The following ACBD3 variants were observed in gnomAD, a reference collection of about 807,000 sequenced individuals.
The protein encoded by ACBD3 is Golgi resident protein GCP60.
Under a neutral mutation model 66.9 loss-of-function variants are expected in ACBD3, and 30 were observed. That is an observed-to-expected ratio of 0.45 (90% CI 0.34 to 0.61). ACBD3 has a LOEUF of 0.61. Among genes scored for constraint, ACBD3 ranks in the 20% least tolerant of loss-of-function variants. The pLI is 0.02. For synonymous variants in ACBD3, 278 were observed against 259.8 expected (o/e 1.07, Z -0.68); for missense variants, 544 against 664.5 (o/e 0.82, Z 1.99).
chr1:226,169,981 A>C (rs1250987041), intron 1 of ACBD3, among the ~76,000 whole-genome samples: 3 of 139,348 alleles, frequency 2.2e-5, no homozygotes, highest in Non-Finnish European at 4.6e-5. Context: ...AAATCATACC[A>C]CTGCACTCCA....
intron 7 of ACBD3, among the ~76,000 whole-genome samples, chr1:226,149,529 C>CTT (rs1170130229): frequency 0.088 from 2,589 of 29,520 alleles, 912 homozygotes; most frequent in Middle Eastern, 0.14. Context: ...GCCCAGCCAT[C>CTT]TTTTTTTTTT....
intron 4 of ACBD3, among the ~76,000 whole-genome samples, chr1:226,160,374 A>G (rs951530965): frequency 2.0e-5 from 3 of 152,096 alleles, no homozygotes; most frequent in Non-Finnish European, 4.4e-5. Flanking sequence ...GATTACAGGC[A>G]TGAGCCACCA....
chr1:226,161,792 G>A (rs1371654867), intron 3 of ACBD3, 103 bp from the exon 4 acceptor site: 36 of 1,337,558 alleles, frequency 2.7e-5, no homozygotes, highest in Non-Finnish European at 3.3e-5. Flanking sequence ...AGAGAACAAT[G>A]TGGATATATA....
chr1:226,178,088 G>A (rs1656086805), intron 1 of ACBD3, among the ~76,000 whole-genome samples: 1 of 152,010 alleles, frequency 6.6e-6, no homozygotes, highest in Admixed American at 6.6e-5. Context: ...AGAGCAATAG[G>A]AAACTAACAT....
In ACBD3 at chr1:226,145,999, A is replaced by G. The variant is rs1479581077; in HGVS notation, c.*611T>C. The G allele has an allele frequency of 2.0e-5, 3 of 152,704 alleles. No individual in the cohort carries two copies. Among genetic ancestry groups the G allele is most frequent in the Non-Finnish European group, 4.4e-5 (3 of 68,096 alleles). 9.5% of individuals were successfully genotyped at this position (152,704 alleles called of 1,614,324 possible). ...ATTATCAATTAGTTTTGAACATTCT[A>G]GTTTAAGATTATCTCAGAAAATAAT... is the stretch of plus-strand genomic sequence containing the variant. On this transcript the variant is annotated 3_prime_UTR_variant, in exon 8 of 8. Transcript: ENST00000366812.
chr1:226,161,410 C>T lies in ACBD3; in HGVS notation c.728+121G>A, dbSNP rs61835253. 0.013 allele frequency: 18,801 copies of T among 1,397,256 alleles called. 854 individuals carry two copies. The East Asian group carries it at 0.18, about 13-fold the overall frequency. The allele number at this position is 1,397,256 out of a possible 1,614,324, so 86.6% of individuals were successfully genotyped here. ...CAACCTCAGGTGATCTGCCCGCCTCCGCCTCCCAAAGTGCTGGGATTACAG... is the reference window on the plus strand; with the variant it reads ...CAACCTCAGGTGATCTGCCCGCCTCTGCCTCCCAAAGTGCTGGGATTACAG... On this transcript the variant is annotated intron_variant, in intron 4 of 7. Coordinates refer to ENST00000366812, the MANE Select transcript of ACBD3 (RefSeq NM_022735.4).
chr1:226,166,179 A>G (rs1659874615), intron 1 of ACBD3, among the ~76,000 whole-genome samples, 179 bp from the exon 2 acceptor site: 1 of 152,166 alleles, frequency 6.6e-6, no homozygotes, highest in Non-Finnish European at 1.5e-5. Context: ...ATTTTTAGAC[A>G]GAGTCTCACT....
chr1:226,154,496 C>T, intron 6 of ACBD3, 151 bp downstream of exon 6: 1 of 828,860 alleles, frequency 1.2e-6, no homozygotes, highest in Non-Finnish European at 1.8e-6. Context: ...GTCACCAGAG[C>T]ATTAGATTCA....
At chr1:226,159,146 C>T (rs747087873) in intron 5 of ACBD3, 38 bp downstream of exon 5, 5 of 1,585,302 alleles carry the variant, frequency 3.2e-6, no homozygotes, top group Non-Finnish European at 4.3e-6. Flanking sequence ...AAACTAAAAA[C>T]TCTCTCTAAG....
At chr1:226,174,990 G>C (rs573014558) in intron 1 of ACBD3, among the ~76,000 whole-genome samples, 1 of 150,232 alleles carries the variant, frequency 6.7e-6, no homozygotes, top group South Asian at 2.1e-4. Context: ...AGCTACTCAC[G>C]AGGCTGAGAC....
At chr1:226,184,571 T>C (rs1656249649) in intron 1 of ACBD3, among the ~76,000 whole-genome samples, 1 of 152,212 alleles carries the variant, frequency 6.6e-6, no homozygotes, top group African/African-American at 2.4e-5. Flanking sequence ...TTTTATAGAA[T>C]CCAGCTCCCT....
intron 1 of ACBD3, among the ~76,000 whole-genome samples, chr1:226,177,869 A>C (rs1170202498): frequency 6.6e-6 from 1 of 151,806 alleles, no homozygotes; most frequent in Non-Finnish European, 1.5e-5. Context: ...CAGCCTCCTG[A>C]GTAGCTGGGG....
At chr1:226,149,748 C>T (rs542255431) in intron 7 of ACBD3, among the ~76,000 whole-genome samples, 5 of 150,060 alleles carry the variant, frequency 3.3e-5, no homozygotes, top group African/African-American at 7.4e-5. Context: ...CATCATGTTG[C>T]CCAGGCTGGT....
chr1:226,150,149 C>T (rs764622783), intron 7 of ACBD3, among the ~76,000 whole-genome samples: 6 of 150,016 alleles, frequency 4.0e-5, no homozygotes, highest in Non-Finnish European at 5.9e-5. Flanking sequence ...GCCTCGAATT[C>T]CTGGACTCAA....
chr1:226,148,399 T>C (rs1347117948), intron 7 of ACBD3, among the ~76,000 whole-genome samples: 1 of 152,212 alleles, frequency 6.6e-6, no homozygotes, highest in African/African-American at 2.4e-5. Context: ...GGCACTCTTA[T>C]AAAGGTAGGT....
At chr1:226,172,201 C>CAAAAAA (rs1558129702) in intron 1 of ACBD3, among the ~76,000 whole-genome samples, 5 of 107,026 alleles carry the variant, frequency 4.7e-5, no homozygotes, top group East Asian at 3.3e-4. Flanking sequence ...TAGTCCTGGT[C>CAAAAAA]AGGCAAACAG....
intron 7 of ACBD3, among the ~76,000 whole-genome samples, chr1:226,151,361 AAGT>A (rs571481380): frequency 5.9e-5 from 9 of 152,360 alleles, no homozygotes; most frequent in Admixed American, 3.9e-4. Context: ...AGTGCTTATT[AAGT>A]GTATATAAAC....
chr1:226,184,954 C>CA lies in ACBD3; in HGVS notation c.286+1435dup, dbSNP rs56165469. 9.4e-3 allele frequency among the ~76,000 whole-genome samples: 857 copies of CA among 90,938 alleles called. 3 individuals carry two copies. Among genetic ancestry groups the CA allele is most frequent in the African/African-American group, 0.023 (533 of 23,302 alleles). 59.7% of individuals were successfully genotyped at this position (90,938 alleles called of 152,430 possible). The stretch of plus-strand genomic sequence containing the variant: ...CCTGCAACAGAGCAGGACTCCAGCT[C>CA]AAAAAAAAAAAAAAAAAGGAATTAG... On this transcript the variant is annotated intron_variant, in intron 1 of 7. Coordinates refer to ENST00000366812, the MANE Select transcript of ACBD3 (RefSeq NM_022735.4).
At chr1:226,169,898 A>G (rs1659958104) in intron 1 of ACBD3, among the ~76,000 whole-genome samples, 1 of 151,392 alleles carries the variant, frequency 6.6e-6, no homozygotes. Context: ...GGTACAGCAC[A>G]TCTGTAATCC....
Sources: allele counts gnomAD v4.1 joint callset (sites outside exome capture counted in the v4.1 genomes callset), GRCh38; gene constraint gnomAD v4.1.1; transcripts MANE v1.5; gene names NCBI Gene and HGNC (gene_info 2026-07-23, HGNC 2026-07-21).